Variants in ZDHHC3 observed in about 807,000 individuals in gnomAD.
The protein encoded by ZDHHC3 is zDHHC palmitoyltransferase 3, also known as palmitoyltransferase ZDHHC3.
In ZDHHC3, 9 loss-of-function variants were observed where a neutral mutation model predicts 30.6. The ratio of observed to expected loss-of-function variants is 0.29; its 90% CI spans 0.18 to 0.51. The LOEUF (loss-of-function observed/expected upper bound fraction) is 0.51, where lower values mean the gene tolerates loss of function less well. ZDHHC3 is among the 20% of genes least tolerant of loss of function. The pLI, the probability that ZDHHC3 is intolerant of heterozygous loss-of-function variation, is 0.97. For synonymous variants in ZDHHC3, 136 were observed against 140.2 expected (o/e 0.97, Z 0.21); for missense variants, 246 against 384.2 (o/e 0.64, Z 3.01).
intron 3 of ZDHHC3, among the ~76,000 whole-genome samples, chr3:44,941,548 G>A (rs1022051131): frequency 1.3e-5 from 2 of 152,084 alleles, no homozygotes; most frequent in Non-Finnish European, 2.9e-5. Context: ...ATCTCTCAGG[G>A]GCTCTAAGCA....
At position 44,926,394 on chromosome 3, in the gene ZDHHC3, T is replaced by C; in HGVS notation, c.*295A>G. On this transcript the variant is annotated 3_prime_UTR_variant, in exon 7 of 7. Transcript: ENST00000424952. ...ATGGGCACAGCGCGAGACAGCGCCC[T>C]CTACATTAGTCATGCCAGACAGACA... 8.9e-7 allele frequency: 1 copy of C among 1,123,810 alleles called. No individual in the cohort carries two copies. The highest frequency in any genetic ancestry group is 1.1e-6 in the Non-Finnish European group (1 of 919,328). The allele number at this position is 1,123,810 out of a possible 1,614,324, so 69.6% of individuals were successfully genotyped here.
chr3:44,928,202 A>T (rs1346678754), intron 6 of ZDHHC3, among the ~76,000 whole-genome samples: 1 of 152,206 alleles, frequency 6.6e-6, no homozygotes, highest in Non-Finnish European at 1.5e-5. Context: ...ACTCTTTTGC[A>T]ATGACATCAT....
chr3:44,955,805 G>A (rs937644123), intron 2 of ZDHHC3, among the ~76,000 whole-genome samples: 13 of 152,304 alleles, frequency 8.5e-5, no homozygotes, highest in South Asian at 2.1e-4. Flanking sequence ...TTTGCATACT[G>A]GGTTTTGCAT....
chr3:44,937,559 T>C (rs867552921), intron 3 of ZDHHC3: 2 of 146,904 alleles, frequency 1.4e-5, no homozygotes, highest in Non-Finnish European at 3.0e-5. Flanking sequence ...GTTTTTTTTT[T>C]TTTTTTTTTT....
At chr3:44,937,878 T>C (rs1702114936) in intron 3 of ZDHHC3, 4 of 481,698 alleles carry the variant, frequency 8.3e-6, no homozygotes, top group African/African-American at 2.0e-5. Flanking sequence ...TCAGAAAAGA[T>C]AGGCCCAGAT....
chr3:44,937,522 A>T (rs1193374663), intron 3 of ZDHHC3, among the ~76,000 whole-genome samples: 1 of 149,462 alleles, frequency 6.7e-6, no homozygotes, highest in Non-Finnish European at 1.5e-5. Flanking sequence ...CATGGGCAAC[A>T]TAGTGAGATC....
chr3:44,928,462 A>G (rs1368701824), intron 6 of ZDHHC3, among the ~76,000 whole-genome samples: 1 of 152,070 alleles, frequency 6.6e-6, no homozygotes, highest in Non-Finnish European at 1.5e-5. Context: ...GTGAAAGCTG[A>G]CCCTGAGGTG....
chr3:44,974,197 G>A (rs762233564), intron 1 of ZDHHC3, among the ~76,000 whole-genome samples: 9 of 152,228 alleles, frequency 5.9e-5, no homozygotes, highest in Middle Eastern at 6.8e-3. Flanking sequence ...ATAAGACATC[G>A]TTCATAACAT....
intron 3 of ZDHHC3, among the ~76,000 whole-genome samples, chr3:44,943,913 G>A (rs1051584262): frequency 1.3e-5 from 2 of 152,204 alleles, no homozygotes; most frequent in East Asian, 1.9e-4. Flanking sequence ...GCTTGAGCCT[G>A]GGAGTCTGAA....
chr3:44,933,807 C>A, intron 4 of ZDHHC3, 81 bp downstream of exon 4: 2 of 1,282,530 alleles, frequency 1.6e-6, no homozygotes, highest in Non-Finnish European at 2.3e-6. Context: ...CAAAGAACAT[C>A]GTGAATGCTG....
intron 1 of ZDHHC3, among the ~76,000 whole-genome samples, chr3:44,962,274 G>A (rs2125915842): frequency 6.6e-6 from 1 of 152,244 alleles, no homozygotes. Context: ...TATTCAGAGT[G>A]GTTGCATTCA....
Position 44,919,920 on chromosome 3 carries a change from G to A in ZDHHC3, c.*6769C>T, listed in dbSNP as rs1015791680. 16 of 1,043,180 alleles carry A rather than the reference G, an allele frequency of 1.5e-5. No homozygotes were observed. The South Asian group carries it at 4.6e-4, about 30-fold the overall frequency. 64.6% of individuals were successfully genotyped at this position (1,043,180 alleles called of 1,614,324 possible). On this transcript the variant is annotated 3_prime_UTR_variant, in exon 7 of 7. Coordinates refer to ENST00000424952, the MANE Select transcript of ZDHHC3 (RefSeq NM_001135179.2). ...GAACACTGAATTATAATAATGCAAA[G>A]CTGGAAATGAGAAATGCCCAATAAT...
intron 1 of ZDHHC3, among the ~76,000 whole-genome samples, chr3:44,971,982 T>C (rs1705443189): frequency 6.6e-6 from 1 of 152,192 alleles, no homozygotes; most frequent in Non-Finnish European, 1.5e-5. Flanking sequence ...CACCTCATTC[T>C]TTTAAGACAA....
intron 2 of ZDHHC3, among the ~76,000 whole-genome samples, chr3:44,953,726 T>C (rs762573565): frequency 6.6e-6 from 1 of 152,146 alleles, no homozygotes; most frequent in Non-Finnish European, 1.5e-5. Flanking sequence ...CTTTCCTCCC[T>C]CTGAAGCCAG....
intron 1 of ZDHHC3, among the ~76,000 whole-genome samples, chr3:44,973,442 T>C (rs560659080): frequency 5.9e-5 from 9 of 152,254 alleles, no homozygotes; most frequent in Middle Eastern, 3.4e-3. Flanking sequence ...GTTGCAAGGA[T>C]TGAATCAGTT....
chr3:44,968,076 T>C (rs1705105595), intron 1 of ZDHHC3, among the ~76,000 whole-genome samples: 1 of 152,072 alleles, frequency 6.6e-6, no homozygotes, highest in African/African-American at 2.4e-5. Flanking sequence ...GGAGCCAGGA[T>C]TCAAAACGGC....
At chr3:44,969,004 C>T (rs1163707327) in intron 1 of ZDHHC3, among the ~76,000 whole-genome samples, 1 of 152,218 alleles carries the variant, frequency 6.6e-6, no homozygotes, top group Non-Finnish European at 1.5e-5. Flanking sequence ...AATTGCTACG[C>T]TGCCATCTCC....
In ZDHHC3 at chr3:44,922,730, C is replaced by CCCAG. The variant is rs1700688846; in HGVS notation, c.*3958_*3959insCTGG. On this transcript the variant is annotated 3_prime_UTR_variant, in exon 7 of 7. Coordinates refer to ENST00000424952, the MANE Select transcript of ZDHHC3 (RefSeq NM_001135179.2). ...GCTGTTAAGACACGGGCTGCTGGGC[C>CCCAG]CCGCTCGGTTTCTGGTTCGGTAGCC... 1 of 984,734 alleles carries CCCAG rather than the reference C, an allele frequency of 1.0e-6. No homozygotes were observed. Among genetic ancestry groups the CCCAG allele is most frequent in the Non-Finnish European group, 1.2e-6 (1 of 829,410 alleles). 61.0% of individuals were successfully genotyped at this position (984,734 alleles called of 1,614,324 possible).
At chr3:44,935,450 T>C (rs1701874699) in intron 3 of ZDHHC3, among the ~76,000 whole-genome samples, 2 of 152,294 alleles carry the variant, frequency 1.3e-5, no homozygotes, top group South Asian at 4.1e-4. Flanking sequence ...TTTTGTATTT[T>C]TGATGGAGAT....
Sources: allele counts gnomAD v4.1 joint callset (sites outside exome capture counted in the v4.1 genomes callset), GRCh38; gene constraint gnomAD v4.1.1; transcripts MANE v1.5; gene names NCBI Gene and HGNC (gene_info 2026-07-23, HGNC 2026-07-21).